The following RPS6KA2 variants were observed in gnomAD, a reference collection of about 807,000 sequenced individuals.
RPS6KA2 encodes ribosomal protein S6 kinase alpha-2.
RPS6KA2 carries 42 observed loss-of-function variants against 91.8 expected under a neutral mutation model. That is an observed-to-expected ratio of 0.46 (90% CI 0.36 to 0.59). The LOEUF is 0.59. Ranked by LOEUF, RPS6KA2 falls within the 20% of genes least tolerant of loss-of-function variation. RPS6KA2 has a pLI of 0.00. For synonymous variants in RPS6KA2, 414 were observed against 393.6 expected, an observed-to-expected ratio of 1.05 and a Z score of -0.61; for missense variants, 798 against 978.5, an observed-to-expected ratio of 0.82 and a Z score of 2.46.
intron 2 of RPS6KA2, among the ~76,000 whole-genome samples, chr6:166,537,221 A>G (rs1000215126): frequency 1.3e-5 from 2 of 152,294 alleles, no homozygotes; most frequent in African/African-American, 4.8e-5. Flanking sequence ...GAAACAATGC[A>G]TGGGCAACAC....
At position 166,495,518 on chromosome 6, in the gene RPS6KA2, C is replaced by T. The variant is rs1166048084; in HGVS notation, c.747+2990G>A. Among the ~76,000 whole-genome samples, 1 of 152,082 alleles carries T rather than the reference C, an allele frequency of 6.6e-6. No individual in the cohort carries two copies. Among genetic ancestry groups the T allele is most frequent in the African/African-American group, 2.4e-5 (1 of 41,412 alleles). On this transcript the variant is annotated intron_variant, in intron 8 of 20. Transcript: ENST00000265678. This position sits in a 1 kb window ranked among gnomAD's most constrained non-coding sequence, Gnocchi z 4.4. ...TATCATCTTCTTCACACTCCAGGGA[C>T]AGGGAGGGTGGGGACTCCAGGATGG...
At chr6:166,674,958 T>G (rs1182015167) in intron 2 of RPS6KA2, among the ~76,000 whole-genome samples, 1 of 152,210 alleles carries the variant, frequency 6.6e-6, no homozygotes, top group Non-Finnish European at 1.5e-5. Context: ...CATGAGCCAC[T>G]GTGCCTGGCG....
At position 166,626,256 on chromosome 6, in the gene RPS6KA2, C is replaced by A. The variant is rs752102886; in HGVS notation, c.99+665G>T. ...AAGGAAACTCTAAGATGCCAAGATG[C>A]GGGACAGGTAGAAAGGACAGGGCTT... is the stretch of plus-strand genomic sequence containing the variant. On this transcript the variant is annotated intron_variant, in intron 1 of 20. Transcript: ENST00000265678. This position sits in a 1 kb window ranked among gnomAD's most constrained non-coding sequence, Gnocchi z 4.1. Among the ~76,000 whole-genome samples, 3 of 152,206 alleles carry A rather than the reference C, an allele frequency of 2.0e-5. No individual in the cohort carries two copies. The highest frequency in any genetic ancestry group is 2.9e-5 in the Non-Finnish European group (2 of 68,048).
At chr6:166,790,165 T>C (rs1222693792) in intron 2 of RPS6KA2, among the ~76,000 whole-genome samples, 1 of 152,084 alleles carries the variant, frequency 6.6e-6, no homozygotes, top group African/African-American at 2.4e-5. Flanking sequence ...GAGAAGTCCT[T>C]AAAGGAGCTG....
At chr6:166,540,905 A>C (rs1404465718) in intron 1 of RPS6KA2, among the ~76,000 whole-genome samples, 1 of 152,224 alleles carries the variant, frequency 6.6e-6, no homozygotes, top group Non-Finnish European at 1.5e-5. Context: ...AAAATTCATC[A>C]TGGAAACATG....
intron 2 of RPS6KA2, among the ~76,000 whole-genome samples, chr6:166,720,974 T>C (rs1790154545): frequency 6.6e-6 from 1 of 152,188 alleles, no homozygotes; most frequent in African/African-American, 2.4e-5. Flanking sequence ...AAAGGGTGAT[T>C]TCACAGTTAA....
Position 166,419,650 on chromosome 6 carries a change from G to A in RPS6KA2, c.1820+232C>T, listed in dbSNP as rs1778654926. On this transcript the variant is annotated intron_variant, in intron 18 of 20. Coordinates refer to ENST00000265678, the MANE Select transcript of RPS6KA2 (RefSeq NM_021135.6). The surrounding 1 kb of genome is among the most constrained non-coding windows in gnomAD (Gnocchi z 5.6). ...AAAAGACTTGATGTTTTGTTCATGA[G>A]CTGAGTTTAAAGAAAATGGGTGGCT... 6.6e-6 allele frequency among the ~76,000 whole-genome samples: 1 copy of A among 152,252 alleles called. No individual in the cohort carries two copies. The highest frequency in any genetic ancestry group is 2.1e-4 in the South Asian group (1 of 4,834).
intron 14 of RPS6KA2, among the ~76,000 whole-genome samples, chr6:166,441,054 G>A (rs73269293): frequency 0.054 from 8,280 of 152,270 alleles, 732 homozygotes; most frequent in African/African-American, 0.19. Context: ...TCATTTTCCC[G>A]TCTTCGAGTC....
Position 166,435,754 on chromosome 6 carries a change from G to T in RPS6KA2, c.1333-3264C>A, listed in dbSNP as rs1779275549. On this transcript the variant is annotated intron_variant, in intron 14 of 20. Transcript: ENST00000265678. This position sits in a 1 kb window ranked among gnomAD's most constrained non-coding sequence, Gnocchi z 4.3. ...GTCTCAGGCGACAACACTGCTGTGG[G>T]TGTGGGTGGCTTGGCCTGTGGCCAT... 6.6e-6 allele frequency among the ~76,000 whole-genome samples: 1 copy of T among 152,288 alleles called. No homozygotes were observed. Among genetic ancestry groups the T allele is most frequent in the African/African-American group, 2.4e-5 (1 of 41,476 alleles).
At chr6:166,681,690 G>GCCCCCCCCCCCCCCCCCCCCCC (rs66580252) in intron 2 of RPS6KA2, among the ~76,000 whole-genome samples, 1 of 57,558 alleles carries the variant, frequency 1.7e-5, no homozygotes, top group Non-Finnish European at 3.0e-5. Context: ...CCCCCTGCCC[G>GCCCCCCCCCCCCCCCCCCCCCC]CCCCCCCCCC....
At chr6:166,744,407 T>C (rs1790917665) in intron 2 of RPS6KA2, among the ~76,000 whole-genome samples, 2 of 151,986 alleles carry the variant, frequency 1.3e-5, no homozygotes, top group Admixed American at 1.3e-4. Flanking sequence ...CGGAGGGGAA[T>C]GGGAGCGTTG....
At chr6:166,462,716 C>T (rs748610748) in intron 11 of RPS6KA2, among the ~76,000 whole-genome samples, 1 of 152,224 alleles carries the variant, frequency 6.6e-6, no homozygotes, top group African/African-American at 2.4e-5. Context: ...ATAGCTCCCC[C>T]TCACACGGCA....
chr6:166,444,679 C>T (rs1206230836), intron 14 of RPS6KA2, among the ~76,000 whole-genome samples: 1 of 152,118 alleles, frequency 6.6e-6, no homozygotes, highest in Non-Finnish European at 1.5e-5. Context: ...GCCGGACTGC[C>T]CCAGTGAAGG....
chr6:166,830,316 A>G (rs1240126218), intron 2 of RPS6KA2, among the ~76,000 whole-genome samples: 2 of 152,206 alleles, frequency 1.3e-5, no homozygotes, highest in Non-Finnish European at 2.9e-5. Context: ...GACAGAAAGT[A>G]GAACAGTTGC....
intron 20 of RPS6KA2, among the ~76,000 whole-genome samples, chr6:166,413,475 C>T (rs1303320983): frequency 6.6e-6 from 1 of 152,192 alleles, no homozygotes; most frequent in Non-Finnish European, 1.5e-5. Flanking sequence ...GAGGCTACTG[C>T]TGCCTGAATG....
At chr6:166,834,418 A>G (rs1022948179) in intron 2 of RPS6KA2, among the ~76,000 whole-genome samples, 1 of 116,322 alleles carries the variant, frequency 8.6e-6, no homozygotes, top group Admixed American at 1.0e-4. Context: ...ATGAGAAGAC[A>G]TGGACACAAA....
At chr6:166,597,575 C>T (rs1208143914) in intron 1 of RPS6KA2, among the ~76,000 whole-genome samples, 1 of 152,174 alleles carries the variant, frequency 6.6e-6, no homozygotes, top group Non-Finnish European at 1.5e-5. Context: ...AGACATTTAA[C>T]ACATAAAGAA....
chr6:166,787,756 G>T (rs1778970724), intron 2 of RPS6KA2, among the ~76,000 whole-genome samples: 1 of 151,998 alleles, frequency 6.6e-6, no homozygotes, highest in South Asian at 2.1e-4. Context: ...TTCAGGACAT[G>T]GGCATGCGCA....
intron 2 of RPS6KA2, among the ~76,000 whole-genome samples, chr6:166,690,129 G>A (rs1479661093): frequency 6.6e-6 from 1 of 152,244 alleles, no homozygotes; most frequent in Non-Finnish European, 1.5e-5. Flanking sequence ...AGGGAGGAGG[G>A]TGAAGTGTGA....
Sources: allele counts gnomAD v4.1 joint callset (sites outside exome capture counted in the v4.1 genomes callset), GRCh38; gene constraint gnomAD v4.1.1; non-coding constraint Gnocchi (gnomAD v3.1); transcripts MANE v1.5; gene names NCBI Gene and HGNC (gene_info 2026-07-23, HGNC 2026-07-21).